The following KLB variants were observed in gnomAD, a reference collection of about 807,000 sequenced individuals.
The protein encoded by KLB is beta-klotho.
KLB carries 44 observed loss-of-function variants against 88.4 expected under a neutral mutation model. That is an observed-to-expected ratio of 0.50 (90% CI 0.39 to 0.64). The LOEUF (loss-of-function observed/expected upper bound fraction) is 0.64, where lower values mean the gene tolerates loss of function less well. KLB is among the 30% of genes least tolerant of loss of function. The probability of loss-of-function intolerance (pLI) is 0.00; values close to 1 mark genes in which losing one functional copy is unlikely to be tolerated. For synonymous variants in KLB, 548 were observed against 513.4 expected (o/e 1.07, Z -0.91); for missense variants, 1,137 against 1,304.8 (o/e 0.87, Z 1.98).
chr4:39,451,479 C>T lies in KLB; in HGVS notation c.*2793C>T, dbSNP rs1004171952. On this transcript the variant is annotated 3_prime_UTR_variant, in exon 5 of 5. Coordinates refer to ENST00000257408, the MANE Select transcript of KLB (RefSeq NM_175737.4). ...ACAGTGTGACTACATGTTTAATTTT[C>T]AATGTAATTTATTCCAAATAAACTG... 1.3e-5 allele frequency: 2 copies of T among 152,206 alleles called. No homozygotes were observed. The highest frequency in any genetic ancestry group is 2.9e-5 in the Non-Finnish European group (2 of 68,034). The allele number at this position is 152,206 out of a possible 1,614,324, so 9.4% of individuals were successfully genotyped here.
chr4:39,420,179 G>A (rs1191769567), intron 1 of KLB, among the ~76,000 whole-genome samples: 1 of 152,028 alleles, frequency 6.6e-6, no homozygotes, highest in African/African-American at 2.4e-5. Flanking sequence ...GTGAAAGCCA[G>A]GATCTTTTAG....
rs1466633137 is a variant in KLB at position 39,447,317 on chromosome 4, T to A, written c.2591T>A (p.Val864Glu). Residue 864 changes from valine to glutamate, a missense_variant, in exon 4 of 5, where the codon GTG becomes GAG. By Grantham distance (121) the Val-to-Glu change is moderately radical (BLOSUM62 -2). This residue lies in a region of KLB where 426 missense variants were observed against 404.6 expected (regional missense o/e 1.05). Coordinates refer to ENST00000257408, the MANE Select transcript of KLB (RefSeq NM_175737.4). ...TRLSSPTRLA[V>E]IPWGVRKLLR... Reference sequence around the variant, plus strand: ...CTGAGCTCCCCCACGCGCCTGGCTGTGATTCCCTGGGGGGTGCGCAAGCTG... The same window carrying A: ...CTGAGCTCCCCCACGCGCCTGGCTGAGATTCCCTGGGGGGTGCGCAAGCTG... 1 of 1,613,970 alleles carries A rather than the reference T, an allele frequency of 6.2e-7. No homozygotes were observed.
chr4:39,406,963 G>A lies in KLB; in HGVS notation c.14G>A (p.Cys5Tyr), dbSNP rs775315888. Reference sequence around the variant, plus strand: ...AGTTGGTGGCAAATGAAGCCAGGCTGTGCGGCAGGATCTCCAGGGAATGAA... The same window carrying A: ...AGTTGGTGGCAAATGAAGCCAGGCTATGCGGCAGGATCTCCAGGGAATGAA... The part of the protein sequence containing the change: MKPG[C>Y]AAGSPGNEWI... Residue 5 changes from cysteine (C) to tyrosine (Y), a missense_variant, in exon 1 of 5, where the codon TGT becomes TAT. Physicochemically the swap from Cys to Tyr is radical, Grantham distance 194. Coordinates refer to ENST00000257408, the MANE Select transcript of KLB (RefSeq NM_175737.4). The A allele has an allele frequency of 2.5e-6, 4 of 1,609,708 alleles. No individual in the cohort carries two copies. Among genetic ancestry groups the A allele is most frequent in the Non-Finnish European group, 2.5e-6 (3 of 1,176,726 alleles).
At chr4:39,425,937 G>T (rs1190325982) in intron 1 of KLB, among the ~76,000 whole-genome samples, 1 of 151,620 alleles carries the variant, frequency 6.6e-6, no homozygotes, top group African/African-American at 2.4e-5. Context: ...GGCCAACATG[G>T]TGAAACCCCG....
At position 39,450,032 on chromosome 4, in the gene KLB, G is replaced by A. The variant is rs1322531799; in HGVS notation, c.*1346G>A. 2.0e-5 allele frequency: 3 copies of A among 152,210 alleles called. No homozygotes were observed. The highest frequency in any genetic ancestry group is 1.3e-4 in the Admixed American group (2 of 15,284). The allele number at this position is 152,210 out of a possible 1,614,324, so 9.4% of individuals were successfully genotyped here. ...GCTAGACTCAACTCTGTGAATAGAA[G>A]TTGCTATACTGTAAGTAAAGCAACA... On this transcript the variant is annotated 3_prime_UTR_variant, in exon 5 of 5. Transcript: ENST00000257408.
In KLB at chr4:39,434,273, T is replaced by C; in HGVS notation, c.889T>C (p.Ser297Pro). Residue 297 changes from serine (S) to proline (P), a missense_variant, in exon 2 of 5, where the codon TCG (serine) becomes CCG (proline). Ser to Pro is a moderately conservative substitution (Grantham distance 74). Coordinates refer to ENST00000257408, the MANE Select transcript of KLB (RefSeq NM_175737.4). ...HFRPHQKGWL[S>P]ITLGSHWIEP... is the part of the protein sequence containing the mutation. The stretch of plus-strand genomic sequence containing the variant: ...CCGCCCACATCAGAAGGGTTGGTTA[T>C]CGATCACGTTGGGATCTCATTGGAT... 6.2e-7 allele frequency: 1 copy of C among 1,614,114 alleles called. No individual in the cohort carries two copies.
In KLB at chr4:39,447,519, T is replaced by C. The variant is rs1743784530; in HGVS notation, c.2749+44T>C. The C allele has an allele frequency of 2.1e-6, 3 of 1,459,300 alleles. No individual in the cohort carries two copies. The Admixed American group carries it at 6.8e-5, about 33-fold the overall frequency. The allele number at this position is 1,459,300 out of a possible 1,614,324, so 90.4% of individuals were successfully genotyped here. On this transcript the variant is annotated intron_variant, in intron 4 of 4. Coordinates refer to ENST00000257408, the MANE Select transcript of KLB (RefSeq NM_175737.4). ...CAGACACAGGGCAGAGCGAGATTCCTGTTACCTGACAAGAACAAAGAATGG... is the reference window on the plus strand; with the variant it reads ...CAGACACAGGGCAGAGCGAGATTCCCGTTACCTGACAAGAACAAAGAATGG...
Position 39,420,926 on chromosome 4 carries a change from A to G in KLB, c.825+13152A>G, listed in dbSNP as rs150850329. Among the ~76,000 whole-genome samples the G allele has an allele frequency of 3.9e-5, 6 of 152,270 alleles. No homozygotes were observed. In the South Asian group the frequency reaches 1.2e-3, roughly 32 times the overall value. On this transcript the variant is annotated intron_variant, in intron 1 of 4. Transcript: ENST00000257408. ...TCTTCTTTCCTTACTCCCTAACCAC[A>G]CACCACGGGAAGTAACCACTGCCAG... is the stretch of plus-strand genomic sequence containing the variant.
chr4:39,442,889 T>C (rs1203245993), intron 3 of KLB, among the ~76,000 whole-genome samples: 3 of 152,234 alleles, frequency 2.0e-5, no homozygotes, highest in Non-Finnish European at 4.4e-5. Context: ...ACAATCCATA[T>C]TCAATTTTTT....
intron 1 of KLB, among the ~76,000 whole-genome samples, chr4:39,409,272 T>C (rs1742789485): frequency 6.6e-6 from 1 of 150,646 alleles, no homozygotes; most frequent in African/African-American, 2.4e-5. Context: ...AAAATATTCC[T>C]CTCATTTAGT....
In KLB at chr4:39,407,600, C is replaced by T; in HGVS notation, c.651C>T (p.Ile217=). 1 of 1,614,086 alleles carries T rather than the reference C, an allele frequency of 6.2e-7. No individual in the cohort carries two copies. ...GGWKNDTIID[I]FNDYATYCFQ... The stretch of plus-strand genomic sequence containing the variant: ...GGAAAAATGATACCATAATAGATAT[C>T]TTCAATGACTATGCCACATACTGTT... Residue 217 remains isoleucine, a synonymous_variant, in exon 1 of 5, where the codon ATC becomes ATT. Transcript: ENST00000257408.
intron 1 of KLB, among the ~76,000 whole-genome samples, chr4:39,417,608 T>A (rs948634307): frequency 1.3e-5 from 2 of 151,960 alleles, no homozygotes; most frequent in African/African-American, 2.4e-5. Flanking sequence ...AATGCTTTTT[T>A]AAAAAAAAGA....
intron 3 of KLB, among the ~76,000 whole-genome samples, chr4:39,445,682 TTG>T (rs1178279144): frequency 1.0e-4 from 9 of 89,276 alleles, no homozygotes; most frequent in African/African-American, 2.6e-4. Flanking sequence ...TCTTGTTTTT[TTG>T]TTTTTTTTTT....
rs190977650 is a variant in KLB, at chr4:39,445,722, A to G, written c.1606-610A>G. 1.5e-3 allele frequency among the ~76,000 whole-genome samples: 220 copies of G among 143,494 alleles called. 2 individuals are homozygous for G. The highest frequency in any genetic ancestry group is 5.1e-3 in the African/African-American group (196 of 38,102). The allele number at this position is 143,494 out of a possible 152,430, so 94.1% of individuals were successfully genotyped here. A position where few individuals can be genotyped will look rare whatever the true frequency, so the allele number is the denominator to read the frequency against. ...TTTTTAGTAGAGACGGTGTTTCTCCATGTTGGTCAGGCTAGTCTCAAACTC... is the reference window on the plus strand; with the variant it reads ...TTTTTAGTAGAGACGGTGTTTCTCCGTGTTGGTCAGGCTAGTCTCAAACTC... On this transcript the variant is annotated intron_variant, in intron 3 of 4. Coordinates refer to ENST00000257408, the MANE Select transcript of KLB (RefSeq NM_175737.4).
At chr4:39,408,488 A>C (rs1182297759) in intron 1 of KLB, among the ~76,000 whole-genome samples, 1 of 152,206 alleles carries the variant, frequency 6.6e-6, no homozygotes, top group Non-Finnish European at 1.5e-5. Context: ...ATAATTACTG[A>C]GTACTTATTA....
rs539522854 is a variant in KLB, at chr4:39,442,497, G to A, written c.1606-3835G>A. Among the ~76,000 whole-genome samples, 5 of 147,866 alleles carry A rather than the reference G, an allele frequency of 3.4e-5. 1 individual carries two copies. In the South Asian group the frequency reaches 8.6e-4, roughly 26 times the overall value. The stretch of plus-strand genomic sequence containing the variant: ...CACCCAAGCTGGAGTGCAATGGCGC[G>A]ATCCCAGCTTACTGCAACCTCTGCC... On this transcript the variant is annotated intron_variant, in intron 3 of 4. Transcript: ENST00000257408.
At chr4:39,422,825 T>A in intron 1 of KLB, among the ~76,000 whole-genome samples, 1 of 151,876 alleles carries the variant, frequency 6.6e-6, no homozygotes, top group East Asian at 1.9e-4. Context: ...GCAGTGGTGT[T>A]ATCTTGGTTC....
intron 1 of KLB, among the ~76,000 whole-genome samples, chr4:39,433,408 G>A (rs908176023): frequency 1.3e-5 from 2 of 152,128 alleles, no homozygotes; most frequent in African/African-American, 4.8e-5. Flanking sequence ...CTCTGTGCTA[G>A]GCATGATTCT....
chr4:39,425,785 T>C (rs1431086902), intron 1 of KLB, among the ~76,000 whole-genome samples: 7 of 152,076 alleles, frequency 4.6e-5, no homozygotes, highest in Non-Finnish European at 8.8e-5. Context: ...TAGGGAGAAA[T>C]TCATTAAAAT....
Sources: allele counts gnomAD v4.1 joint callset (sites outside exome capture counted in the v4.1 genomes callset), GRCh38; gene constraint gnomAD v4.1.1; regional missense constraint gnomAD v4.1.1; transcripts MANE v1.5; gene names NCBI Gene and HGNC (gene_info 2026-07-23, HGNC 2026-07-21).